Variants in TRHDE observed in about 807,000 individuals in gnomAD.
TRHDE encodes thyrotropin-releasing hormone-degrading ectoenzyme.
TRHDE carries 72 observed loss-of-function variants against 125.7 expected under a neutral mutation model. The observed-to-expected ratio is 0.57, with a 90% CI of 0.47 to 0.70. The LOEUF (loss-of-function observed/expected upper bound fraction) is 0.70. Ranked by LOEUF, TRHDE falls within the 30% of genes least tolerant of loss-of-function variation. The pLI is 0.00. For missense variants in TRHDE, 1,110 were observed against 1,327.1 expected (o/e 0.84, Z 2.54); for synonymous variants, 509 against 509.1 (o/e 1.00, Z 0.00).
intron 2 of TRHDE, among the ~76,000 whole-genome samples, chr12:72,182,789 G>A (rs1407217399): frequency 1.3e-5 from 2 of 152,206 alleles, no homozygotes; most frequent in Non-Finnish European, 2.9e-5. Context: ...GGAAGGAAGT[G>A]TAGGAAGAGG....
chr12:72,180,084 T>C (rs1241507752), intron 2 of TRHDE, among the ~76,000 whole-genome samples: 1 of 151,988 alleles, frequency 6.6e-6, no homozygotes, highest in Non-Finnish European at 1.5e-5. Context: ...TGATGCAGCT[T>C]AATTAATACT....
chr12:72,657,108 C>T (rs571137064), intron 18 of TRHDE, 100 bp downstream of exon 18: 2 of 750,136 alleles, frequency 2.7e-6, no homozygotes, highest in African/African-American at 1.8e-5. Context: ...ACATCCATTC[C>T]TTTTACTTAC....
At chr12:72,378,460 A>G (rs1056808539) in intron 3 of TRHDE, among the ~76,000 whole-genome samples, 3 of 152,212 alleles carry the variant, frequency 2.0e-5, no homozygotes, top group African/African-American at 7.2e-5. Context: ...AGGTACAACT[A>G]GAACATTTTC....
intron 7 of TRHDE, among the ~76,000 whole-genome samples, chr12:72,551,729 A>G (rs1869682513): frequency 6.6e-6 from 1 of 152,256 alleles, no homozygotes; most frequent in African/African-American, 2.4e-5. Flanking sequence ...GTAACAGGAT[A>G]AAGGGGACAC....
intron 2 of TRHDE, among the ~76,000 whole-genome samples, chr12:72,158,107 T>C (rs548032962): frequency 6.6e-6 from 1 of 152,162 alleles, no homozygotes; most frequent in Admixed American, 6.5e-5. Flanking sequence ...CATGCAAAAA[T>C]GTTTTGGTAG....
At position 72,652,483 on chromosome 12, in the gene TRHDE, T is replaced by C; in HGVS notation, c.2837T>C (p.Leu946Ser). The part of the protein sequence containing the change: ...ALTCSDDRNL[L>S]NRLLNLSLNS... ...ACTTGCAGTGATGACAGGAATTTAT[T>C]AAACAGGTAGGCCGACTGATTTTCT... The change falls in exon 16 of 19, where the codon TTA (leucine) becomes TCA (serine). Residue 946 changes from leucine (L) to serine (S), a missense_variant. By Grantham distance (145) the Leu-to-Ser change is moderately radical. This residue lies in a region of TRHDE where 527 missense variants were observed against 651.8 expected (regional missense o/e 0.81). Transcript: ENST00000261180. The C allele has an allele frequency of 6.2e-7, 1 of 1,604,774 alleles. No homozygotes were observed. Among genetic ancestry groups the C allele is most frequent in the Non-Finnish European group, 8.5e-7 (1 of 1,175,004 alleles).
chr12:72,219,423 T>G (rs1052496242), intron 2 of TRHDE, among the ~76,000 whole-genome samples: 1 of 152,128 alleles, frequency 6.6e-6, no homozygotes. Context: ...ATCCACATTT[T>G]TTCAACTTGA....
chr12:72,319,489 C>A (rs571520425), intron 2 of TRHDE, among the ~76,000 whole-genome samples: 1 of 152,222 alleles, frequency 6.6e-6, no homozygotes, highest in South Asian at 2.1e-4. Context: ...TTAATCAAAA[C>A]TTGGATGGAA....
intron 2 of TRHDE, among the ~76,000 whole-genome samples, chr12:72,334,980 G>T (rs557807193): frequency 6.6e-6 from 1 of 152,300 alleles, no homozygotes; most frequent in South Asian, 2.1e-4. Context: ...GCAAATGCCA[G>T]AATGATCCCT....
At chr12:72,402,731 G>C (rs139875371) in intron 3 of TRHDE, among the ~76,000 whole-genome samples, 1,715 of 152,160 alleles carry the variant, frequency 0.011, 13 homozygotes, top group Middle Eastern at 0.041. Flanking sequence ...TCCCATTCTA[G>C]TTTTAATGAT....
intron 6 of TRHDE, among the ~76,000 whole-genome samples, chr12:72,525,030 G>C (rs372580504): frequency 2.1e-4 from 32 of 152,106 alleles, no homozygotes; most frequent in African/African-American, 7.7e-4. Context: ...ATTTTCCATG[G>C]AATCTTTTAA....
In TRHDE at chr12:72,652,314, T is replaced by C. The variant is rs1163253422; in HGVS notation, c.2676-8T>C. 9.8e-6 allele frequency: 14 copies of C among 1,424,068 alleles called. No individual in the cohort carries two copies. Among genetic ancestry groups the C allele is most frequent in the Non-Finnish European group, 1.3e-5 (14 of 1,079,862 alleles). 88.2% of individuals were successfully genotyped at this position (1,424,068 alleles called of 1,614,324 possible). ...TTAACAGAAAACCACCATGGGTTGC[T>C]TCTTTAGAATACCACTAAATGTTAG... is the stretch of plus-strand genomic sequence containing the variant. On this transcript the variant is annotated splice_region_variant and splice_polypyrimidine_tract_variant and intron_variant, in intron 15 of 18. Coordinates refer to ENST00000261180, the MANE Select transcript of TRHDE (RefSeq NM_013381.3).
intron 3 of TRHDE, among the ~76,000 whole-genome samples, chr12:72,422,960 T>G (rs1874023434): frequency 6.6e-6 from 1 of 152,080 alleles, no homozygotes; most frequent in Admixed American, 6.5e-5. Flanking sequence ...ACCAATAAAT[T>G]TATATTCATT....
intron 3 of TRHDE, among the ~76,000 whole-genome samples, chr12:72,429,190 G>A (rs1874319719): frequency 6.6e-6 from 1 of 151,960 alleles, no homozygotes; most frequent in Non-Finnish European, 1.5e-5. Context: ...ACCAGGGCCT[G>A]TTGGTGGGTC....
chr12:72,463,530 TG>T (rs536383498), intron 3 of TRHDE, among the ~76,000 whole-genome samples: 61 of 152,300 alleles, frequency 4.0e-4, no homozygotes, highest in African/African-American at 1.4e-3. Flanking sequence ...GATAACTATC[TG>T]AGGTCACATA....
At chr12:72,283,932 T>A (rs1398653123) in intron 1 of TRHDE, among the ~76,000 whole-genome samples, 1 of 150,816 alleles carries the variant, frequency 6.6e-6, no homozygotes, top group African/African-American at 2.4e-5. Flanking sequence ...AAATATATAT[T>A]TTTCAATTAG....
intron 2 of TRHDE, among the ~76,000 whole-genome samples, chr12:72,306,439 G>C (rs926329133): frequency 1.3e-5 from 2 of 152,030 alleles, no homozygotes; most frequent in African/African-American, 2.4e-5. Context: ...TAAAATTCTA[G>C]TACTGAACCA....
intron 2 of TRHDE, among the ~76,000 whole-genome samples, chr12:72,228,767 G>A (rs1878187790): frequency 6.6e-6 from 1 of 152,170 alleles, no homozygotes; most frequent in African/African-American, 2.4e-5. Flanking sequence ...ATGCTTTGCT[G>A]CTTAGAAATT....
At chr12:72,597,005 T>C (rs1196360816) in intron 12 of TRHDE, among the ~76,000 whole-genome samples, 1 of 152,236 alleles carries the variant, frequency 6.6e-6, no homozygotes, top group Non-Finnish European at 1.5e-5. Flanking sequence ...ATTGTGGCTA[T>C]ACCTAGTTAG....
Sources: gnomAD v4.1 joint callset for allele counts (sites outside exome capture counted in the v4.1 genomes callset) on GRCh38, gnomAD v4.1.1 for gene constraint, gnomAD v4.1.1 regional missense constraint, MANE v1.5 for transcripts, NCBI Gene and HGNC (gene_info 2026-07-23, HGNC 2026-07-21) for gene names.